Variants in OR10J1 observed in about 807,000 individuals in gnomAD.
The protein encoded by OR10J1 is olfactory receptor 10J1.
For missense variants in OR10J1, 474 were observed against 376.6 expected (o/e 1.26, Z -2.14); for synonymous variants, 202 against 143.8 (o/e 1.40, Z -2.89).
upstream of OR10J1, among the ~76,000 whole-genome samples, chr1:159,434,487 GA>G (rs1023571845): frequency 6.6e-6 from 1 of 152,084 alleles, no homozygotes; most frequent in African/African-American, 2.4e-5. Flanking sequence ...CCCCAAAGAG[GA>G]AAATAGGAAA....
At chr1:159,418,399 C>T in the OR10J1 span, among the ~76,000 whole-genome samples, 1 of 152,176 alleles carries the variant, frequency 6.6e-6, no homozygotes, top group South Asian at 2.1e-4. Context: ...GCCACCCTAG[C>T]CATGGTTAAA....
At chr1:159,410,323 G>C in the OR10J1 span, among the ~76,000 whole-genome samples, 2 of 152,070 alleles carry the variant, frequency 1.3e-5, no homozygotes, top group Admixed American at 1.3e-4. Context: ...GAATCCATCT[G>C]GTCCTGGACT....
chr1:159,412,848 A>C, the OR10J1 span, among the ~76,000 whole-genome samples: 1 of 151,718 alleles, frequency 6.6e-6, no homozygotes, highest in Admixed American at 6.6e-5. Flanking sequence ...GGATCTAATT[A>C]AACTAAAGAG....
chr1:159,399,566 G>C, the OR10J1 span, among the ~76,000 whole-genome samples: 2 of 82,548 alleles, frequency 2.4e-5, no homozygotes, highest in South Asian at 4.6e-4. Context: ...GCGAGATTCT[G>C]TCTCAAAAAA....
the OR10J1 span, among the ~76,000 whole-genome samples, chr1:159,403,932 TA>T: frequency 1.3e-5 from 2 of 151,962 alleles, no homozygotes; most frequent in African/African-American, 2.4e-5. Flanking sequence ...TGTTCAGCCA[TA>T]AAAAAAGAAT....
the OR10J1 span, among the ~76,000 whole-genome samples, chr1:159,418,498 A>G: frequency 6.6e-6 from 1 of 152,180 alleles, no homozygotes. Flanking sequence ...CCTGCAGGTG[A>G]ACAGAAGTCA....
the OR10J1 span, among the ~76,000 whole-genome samples, chr1:159,407,501 T>G: frequency 6.6e-6 from 1 of 152,124 alleles, no homozygotes; most frequent in Non-Finnish European, 1.5e-5. Context: ...TAAGTGTACA[T>G]AAAATCTGAA....
chr1:159,431,163 A>G, the OR10J1 span, among the ~76,000 whole-genome samples: 7 of 152,212 alleles, frequency 4.6e-5, no homozygotes, highest in African/African-American at 1.7e-4. Context: ...AGCAGGACTG[A>G]AAAGAGAAGT....
chr1:159,412,185 A>G, the OR10J1 span, among the ~76,000 whole-genome samples: 1 of 152,128 alleles, frequency 6.6e-6, no homozygotes, highest in Non-Finnish European at 1.5e-5. Flanking sequence ...GTGAAATAAA[A>G]GAGGATACAA....
chr1:159,420,154 G>T, the OR10J1 span, among the ~76,000 whole-genome samples: 1 of 151,970 alleles, frequency 6.6e-6, no homozygotes, highest in South Asian at 2.1e-4. Flanking sequence ...TGCTCACTTT[G>T]GTTTCCATTT....
the OR10J1 span, among the ~76,000 whole-genome samples, chr1:159,426,723 A>T: frequency 1.3e-5 from 2 of 151,848 alleles, no homozygotes; most frequent in Non-Finnish European, 1.5e-5. Context: ...ATCCCAAAGG[A>T]TGTCTCAATA....
At chr1:159,426,920 CTCAT>C in the OR10J1 span, among the ~76,000 whole-genome samples, 2 of 151,966 alleles carry the variant, frequency 1.3e-5, no homozygotes, top group South Asian at 2.1e-4. Context: ...GAAATATTTA[CTCAT>C]TCAGTCTTTA....
the OR10J1 span, among the ~76,000 whole-genome samples, chr1:159,415,632 T>C: frequency 2.6e-5 from 4 of 152,134 alleles, no homozygotes; most frequent in Admixed American, 2.6e-4. Context: ...TGAATGGAGA[T>C]TGCATTGGAT....
the OR10J1 span, chr1:159,432,778 AC>A: frequency 9.0e-6 from 3 of 333,296 alleles, no homozygotes; most frequent in Non-Finnish European, 1.5e-5. Context: ...GCCTGTGCAG[AC>A]ACTACTATCA....
the OR10J1 span, among the ~76,000 whole-genome samples, chr1:159,418,569 T>A: frequency 2.6e-5 from 4 of 152,296 alleles, no homozygotes; most frequent in African/African-American, 9.6e-5. Flanking sequence ...CACCTGGATA[T>A]CCAGGCAGAA....
chr1:159,440,427 G>A lies in OR10J1; in HGVS notation c.636G>A (p.Leu212=), dbSNP rs41264477. ...SVLVLVVPMG[L]VFISYVLIIS... Reference sequence around the variant, plus strand: ...TGGTGCTTGTTGTACCTATGGGTCTGGTTTTCATTTCTTATGTTCTCATTA... The same window carrying A: ...TGGTGCTTGTTGTACCTATGGGTCTAGTTTTCATTTCTTATGTTCTCATTA... Residue 212 remains leucine, a synonymous_variant, in exon 1 of 1, where the codon CTG becomes CTA. Coordinates refer to ENST00000423932, the MANE Select transcript of OR10J1 (RefSeq NM_012351.3). 13,035 of 1,614,076 alleles carry A rather than the reference G, an allele frequency of 8.1e-3. 63 individuals carry two copies. The highest frequency in any genetic ancestry group is 9.4e-3 in the Admixed American group (562 of 60,010).
At chr1:159,420,707 A>G in the OR10J1 span, among the ~76,000 whole-genome samples, 1 of 151,670 alleles carries the variant, frequency 6.6e-6, no homozygotes, top group Non-Finnish European at 1.5e-5. Flanking sequence ...TTTTTTCAGC[A>G]CTTTGAATAC....
chr1:159,416,883 G>A, the OR10J1 span, among the ~76,000 whole-genome samples: 2 of 151,798 alleles, frequency 1.3e-5, no homozygotes, highest in Non-Finnish European at 2.9e-5. Flanking sequence ...GCTCATAATA[G>A]TCTCCAATAA....
chr1:159,413,802 CACATTGTGCACATGTACCCTAAA>C, the OR10J1 span, among the ~76,000 whole-genome samples: 1 of 151,294 alleles, frequency 6.6e-6, no homozygotes, highest in South Asian at 2.1e-4. Flanking sequence ...AACTAACCTG[CACATTGTGCACATGTACCCTAAA>C]ACTTAAAGTA....
Sources: allele counts gnomAD v4.1 joint callset (sites outside exome capture counted in the v4.1 genomes callset), GRCh38; gene constraint gnomAD v4.1.1; transcripts MANE v1.5; gene names NCBI Gene and HGNC (gene_info 2026-07-23, HGNC 2026-07-21).